NEK7: variants seen among roughly 807,000 people sequenced by gnomAD.
NEK7 encodes the protein NIMA related kinase 7.
NEK7 carries 18 observed loss-of-function variants against 44.6 expected under a neutral mutation model. The observed-to-expected ratio is 0.40, with a 90% confidence interval of 0.28 to 0.60. The LOEUF is 0.60. NEK7 is among the 20% of genes least tolerant of loss of function. The pLI is 0.38. For synonymous variants in NEK7, 130 were observed against 121.1 expected (o/e 1.07, Z -0.48); for missense variants, 256 against 366.5 (o/e 0.70, Z 2.46).
At chr1:198,277,764 A>G in intron 5 of NEK7, 197 bp from the exon 6 acceptor site, 1 of 509,368 alleles carries the variant, frequency 2.0e-6, no homozygotes, top group East Asian at 3.2e-5. Flanking sequence ...CGCTAACCTT[A>G]GTTATAATAG....
At chr1:198,308,872 T>A (rs1434211389) in intron 9 of NEK7, among the ~76,000 whole-genome samples, 1 of 152,192 alleles carries the variant, frequency 6.6e-6, no homozygotes, top group Non-Finnish European at 1.5e-5. Flanking sequence ...ATTAAGTTCT[T>A]GCTTCAAACC....
At chr1:198,266,826 A>G (rs756833664) in intron 5 of NEK7, among the ~76,000 whole-genome samples, 2 of 152,110 alleles carry the variant, frequency 1.3e-5, no homozygotes, top group Non-Finnish European at 2.9e-5. Context: ...ATAGGTATTC[A>G]CATTTTCTTT....
At chr1:198,171,105 G>A (rs1483576994) in intron 1 of NEK7, among the ~76,000 whole-genome samples, 1 of 151,962 alleles carries the variant, frequency 6.6e-6, no homozygotes, top group African/African-American at 2.4e-5. Flanking sequence ...TGAGATATAT[G>A]AAGGAATTAA....
chr1:198,214,257 A>C (rs1261980886), intron 1 of NEK7, among the ~76,000 whole-genome samples: 1 of 152,208 alleles, frequency 6.6e-6, no homozygotes, highest in African/African-American at 2.4e-5. Flanking sequence ...TAATTCTGGC[A>C]ATATGAAAAA....
At chr1:198,315,325 G>T (rs1655332237) in intron 9 of NEK7, among the ~76,000 whole-genome samples, 1 of 152,230 alleles carries the variant, frequency 6.6e-6, no homozygotes, top group Non-Finnish European at 1.5e-5. Context: ...ACTGACCTGC[G>T]CCCACTGTCT....
chr1:198,204,221 C>G (rs979822855), intron 1 of NEK7, among the ~76,000 whole-genome samples: 8 of 152,042 alleles, frequency 5.3e-5, no homozygotes, highest in African/African-American at 1.9e-4. Flanking sequence ...GATTGCACCA[C>G]TGCACTCCAG....
chr1:198,252,528 C>CTCTATATATA (rs1553253586), intron 2 of NEK7, among the ~76,000 whole-genome samples: 1 of 32,694 alleles, frequency 3.1e-5, no homozygotes, highest in African/African-American at 1.5e-4. Context: ...ATCTCACATA[C>CTCTATATATA]TATATATATA....
chr1:198,276,813 A>G (rs972031599), intron 5 of NEK7, among the ~76,000 whole-genome samples: 10 of 151,674 alleles, frequency 6.6e-5, no homozygotes, highest in Non-Finnish European at 1.2e-4. Context: ...ATTTTTTGCT[A>G]AGTATGAAGT....
intron 1 of NEK7, among the ~76,000 whole-genome samples, chr1:198,225,883 T>C (rs543807057): frequency 3.4e-4 from 52 of 152,268 alleles, no homozygotes; most frequent in African/African-American, 1.2e-3. Context: ...ATTTGTTGAA[T>C]GTGATGATAG....
chr1:198,278,279 T>C (rs965127818), intron 6 of NEK7, among the ~76,000 whole-genome samples: 1 of 151,444 alleles, frequency 6.6e-6, no homozygotes, highest in African/African-American at 2.4e-5. Context: ...TTGAGCATCT[T>C]ACTAACCAGT....
At chr1:198,273,004 T>C (rs186304634) in intron 5 of NEK7, among the ~76,000 whole-genome samples, 1 of 151,896 alleles carries the variant, frequency 6.6e-6, no homozygotes, top group Admixed American at 6.6e-5. Context: ...TACCCTAAGA[T>C]GAAATATATT....
intron 1 of NEK7, among the ~76,000 whole-genome samples, chr1:198,230,214 A>G (rs1440133683): frequency 1.3e-5 from 2 of 152,190 alleles, no homozygotes; most frequent in Non-Finnish European, 2.9e-5. Flanking sequence ...GACACCGGGT[A>G]TGAAATGTTG....
chr1:198,162,733 C>G (rs956034400), intron 1 of NEK7, among the ~76,000 whole-genome samples: 1 of 152,020 alleles, frequency 6.6e-6, no homozygotes, highest in Non-Finnish European at 1.5e-5. Flanking sequence ...CTTGAATTCT[C>G]CTTTTCCTTT....
intron 8 of NEK7, among the ~76,000 whole-genome samples, chr1:198,295,489 G>A (rs1432177439): frequency 6.6e-6 from 1 of 152,076 alleles, no homozygotes; most frequent in African/African-American, 2.4e-5. Flanking sequence ...GCAGCATCGA[G>A]ATGCACTAAT....
At chr1:198,245,354 G>GTTTGTA (rs1218660273) in intron 2 of NEK7, 1 of 169,250 alleles carries the variant, frequency 5.9e-6, no homozygotes, top group Non-Finnish European at 1.5e-5. Context: ...ACCCAACATG[G>GTTTGTA]TGCCTGCGTT....
intron 9 of NEK7, among the ~76,000 whole-genome samples, chr1:198,306,027 G>A (rs184835617): frequency 5.3e-5 from 8 of 152,136 alleles, no homozygotes; most frequent in Admixed American, 2.0e-4. Context: ...AGACTGCTTC[G>A]GTTCAAATCC....
intron 1 of NEK7, 133 bp from the exon 2 acceptor site, chr1:198,232,420 G>A: frequency 2.0e-6 from 1 of 510,034 alleles, no homozygotes; most frequent in Non-Finnish European, 3.6e-6. Flanking sequence ...TGGCAAAAGA[G>A]TGTGGTATAT....
chr1:198,168,459 A>C (rs1664333403), intron 1 of NEK7, among the ~76,000 whole-genome samples: 1 of 152,130 alleles, frequency 6.6e-6, no homozygotes, highest in South Asian at 2.1e-4. Flanking sequence ...ACATTTTCCA[A>C]CTTGTGAACT....
chr1:198,174,882 A>T (rs778957389), intron 1 of NEK7, among the ~76,000 whole-genome samples: 5 of 151,864 alleles, frequency 3.3e-5, no homozygotes, highest in Non-Finnish European at 7.4e-5. Flanking sequence ...CTTACTGACC[A>T]AGTAGCTAGG....
Sources: allele counts gnomAD v4.1 joint callset (sites outside exome capture counted in the v4.1 genomes callset), GRCh38; gene constraint gnomAD v4.1.1; transcripts MANE v1.5; gene names NCBI Gene and HGNC (gene_info 2026-07-23, HGNC 2026-07-21).